Variants in ADARB2 observed in about 807,000 individuals in gnomAD.
ADARB2 encodes the protein inactive double-stranded RNA-specific editase B2.
Under a neutral mutation model 62.2 loss-of-function variants are expected in ADARB2, and 25 were observed. That is an observed-to-expected ratio of 0.40 (90% CI 0.29 to 0.56). The LOEUF (loss-of-function observed/expected upper bound fraction) is 0.56. Ranked by LOEUF, ADARB2 falls within the 20% of genes least tolerant of loss-of-function variation. The pLI is 0.43. For missense variants in ADARB2, 1,071 were observed against 1,077.4 expected (o/e 0.99, Z 0.08); for synonymous variants, 572 against 500.8 (o/e 1.14, Z -1.90).
rs770578254 is a variant in ADARB2 at position 1,513,000 on chromosome 10, G to A, written c.101-133840C>T. Among the ~76,000 whole-genome samples the A allele has an allele frequency of 2.6e-5, 4 of 152,180 alleles. No individual in the cohort carries two copies. In the East Asian group the frequency reaches 5.8e-4, roughly 22 times the overall value. ...GAGTGACGATGTCTGGAGAGCGAACGTGAAGAATGAAGACTACAGCTGATG... is the reference window on the plus strand; with the variant it reads ...GAGTGACGATGTCTGGAGAGCGAACATGAAGAATGAAGACTACAGCTGATG... On this transcript the variant is annotated intron_variant, in intron 1 of 9. Transcript: ENST00000381312.
At chr10:1,187,771 A>G in intron 8 of ADARB2, 1 of 362,900 alleles carries the variant, frequency 2.8e-6, no homozygotes, top group Non-Finnish European at 5.9e-6. Context: ...AGAAGGAAGG[A>G]GCTGGTGGGG....
intron 3 of ADARB2, among the ~76,000 whole-genome samples, chr10:1,341,412 A>G (rs1361072219): frequency 6.9e-6 from 1 of 145,116 alleles, no homozygotes; most frequent in African/African-American, 2.7e-5. Flanking sequence ...AATAACCAGC[A>G]TCCACCAGAG....
At chr10:1,548,776 G>A (rs12254717) in intron 1 of ADARB2, among the ~76,000 whole-genome samples, 9,029 of 152,328 alleles carry the variant, frequency 0.059, 855 homozygotes, top group African/African-American at 0.2. Flanking sequence ...ACACTCAAGG[G>A]AGGTTGGCTA....
chr10:1,691,595 G>A (rs143641259), intron 1 of ADARB2, among the ~76,000 whole-genome samples: 1 of 152,274 alleles, frequency 6.6e-6, no homozygotes, highest in Non-Finnish European at 1.5e-5. Context: ...TGCATCTACT[G>A]TTTACTGGGC....
intron 3 of ADARB2, among the ~76,000 whole-genome samples, chr10:1,288,047 G>C (rs1181481470): frequency 6.6e-6 from 1 of 152,190 alleles, no homozygotes; most frequent in Non-Finnish European, 1.5e-5. Context: ...CTTGCCTCTG[G>C]GTCAGCTCGT....
In ADARB2 at chr10:1,678,807, C is replaced by T. The variant is rs983349239; in HGVS notation, c.100+58244G>A. ...TGTTCCAACACCGAGAAGCTGCTTT[C>T]GTTTCTCCACCAAGCCCCCTCTCCC... On this transcript the variant is annotated intron_variant, in intron 1 of 9. Coordinates refer to ENST00000381312, the MANE Select transcript of ADARB2 (RefSeq NM_018702.4). Among the ~76,000 whole-genome samples, 19 of 151,978 alleles carry T rather than the reference C, an allele frequency of 1.3e-4. 1 individual carries two copies. The highest frequency in any genetic ancestry group is 8.5e-4 in the Admixed American group (13 of 15,252).
intron 1 of ADARB2, among the ~76,000 whole-genome samples, chr10:1,478,941 AG>A (rs1229189692): frequency 6.6e-6 from 1 of 152,130 alleles, no homozygotes. Context: ...CCCTTGGAGG[AG>A]GAGGGGCCTG....
chr10:1,352,829 C>A (rs1832156523), intron 3 of ADARB2, among the ~76,000 whole-genome samples: 1 of 152,120 alleles, frequency 6.6e-6, no homozygotes, highest in African/African-American at 2.4e-5. Context: ...CACACCTGAC[C>A]CTCATGACTG....
intron 1 of ADARB2, among the ~76,000 whole-genome samples, chr10:1,484,809 T>G (rs1164569888): frequency 6.6e-6 from 1 of 152,142 alleles, no homozygotes; most frequent in Non-Finnish European, 1.5e-5. Flanking sequence ...CATGTAGACA[T>G]CCACCTATGT....
chr10:1,627,266 A>G (rs917386809), intron 1 of ADARB2, among the ~76,000 whole-genome samples: 1 of 152,186 alleles, frequency 6.6e-6, no homozygotes, highest in Non-Finnish European at 1.5e-5. Flanking sequence ...GCAACTGAAG[A>G]TTAGACTCCT....
chr10:1,373,293 AC>A lies in ADARB2; in HGVS notation c.187+5780del, dbSNP rs869037413. Among the ~76,000 whole-genome samples, 4 of 133,860 alleles carry A rather than the reference AC, an allele frequency of 3.0e-5. No individual in the cohort carries two copies. In the East Asian group the frequency reaches 8.4e-4, roughly 28 times the overall value. 87.8% of individuals were successfully genotyped at this position (133,860 alleles called of 152,430 possible). A position where few individuals can be genotyped will look rare whatever the true frequency, so the allele number is the denominator to read the frequency against. Reference sequence around the variant, plus strand: ...TGTCTCACTGTGTCTCTCTGTCTCTACCCCTGTTTCTGTCTCTGACACACAC... The same window carrying A: ...TGTCTCACTGTGTCTCTCTGTCTCTACCCTGTTTCTGTCTCTGACACACAC... On this transcript the variant is annotated intron_variant, in intron 2 of 9. Transcript: ENST00000381312.
intron 1 of ADARB2, among the ~76,000 whole-genome samples, chr10:1,536,218 G>A (rs1370620171): frequency 1.3e-5 from 2 of 152,088 alleles, no homozygotes; most frequent in Admixed American, 6.5e-5. Context: ...TGAGGGTGAG[G>A]CCCTCACGAT....
chr10:1,376,406 A>G (rs1832429826), intron 2 of ADARB2, among the ~76,000 whole-genome samples: 1 of 152,218 alleles, frequency 6.6e-6, no homozygotes, highest in East Asian at 1.9e-4. Flanking sequence ...TCACAGCCCA[A>G]GGCAGCTTGG....
At chr10:1,493,471 G>C (rs1249612584) in intron 1 of ADARB2, among the ~76,000 whole-genome samples, 1 of 152,120 alleles carries the variant, frequency 6.6e-6, no homozygotes, top group Non-Finnish European at 1.5e-5. Context: ...TGGCAAATTG[G>C]TCTGTTTCTC....
chr10:1,647,453 TTAAA>T (rs1834057911), intron 1 of ADARB2, among the ~76,000 whole-genome samples: 1 of 152,168 alleles, frequency 6.6e-6, no homozygotes, highest in Non-Finnish European at 1.5e-5. Flanking sequence ...GTATATACAT[TTAAA>T]TATGTGTATA....
At chr10:1,483,235 T>C (rs1028413831) in intron 1 of ADARB2, among the ~76,000 whole-genome samples, 18 of 152,256 alleles carry the variant, frequency 1.2e-4, no homozygotes, top group Non-Finnish European at 2.5e-4. Flanking sequence ...AAGCTGAGAA[T>C]AATAGTACAT....
chr10:1,436,297 C>A (rs1366684261), intron 1 of ADARB2, among the ~76,000 whole-genome samples: 1 of 152,210 alleles, frequency 6.6e-6, no homozygotes, highest in African/African-American at 2.4e-5. Context: ...ACTACCCTAG[C>A]AGCTACTTTT....
At chr10:1,685,061 A>G (rs1370093976) in intron 1 of ADARB2, among the ~76,000 whole-genome samples, 1 of 152,114 alleles carries the variant, frequency 6.6e-6, no homozygotes, top group Non-Finnish European at 1.5e-5. Context: ...GAGGAGGGAG[A>G]AGACCGGACA....
intron 7 of ADARB2, among the ~76,000 whole-genome samples, chr10:1,214,251 A>T (rs1278855640): frequency 1.4e-5 from 2 of 146,898 alleles, no homozygotes; most frequent in Non-Finnish European, 3.0e-5. Flanking sequence ...TGGACCTGCC[A>T]GCGTTGCATG....
Sources: gnomAD v4.1 joint callset for allele counts (sites outside exome capture counted in the v4.1 genomes callset) on GRCh38, gnomAD v4.1.1 for gene constraint, MANE v1.5 for transcripts, NCBI Gene and HGNC (gene_info 2026-07-23, HGNC 2026-07-21) for gene names.